The following DCBLD2 variants were observed in gnomAD, a reference collection of about 807,000 sequenced individuals.
DCBLD2 encodes the protein discoidin, CUB and LCCL domain-containing protein 2.
DCBLD2 carries 54 observed loss-of-function variants against 86.8 expected under a neutral mutation model. The ratio of observed to expected loss-of-function variants is 0.62; its 90% CI spans 0.50 to 0.78. The LOEUF (loss-of-function observed/expected upper bound fraction) is 0.78. Ranked by LOEUF, DCBLD2 falls within the 30% of genes least tolerant of loss-of-function variation. The pLI, the probability that DCBLD2 is intolerant of heterozygous loss-of-function variation, is 0.00. For missense variants in DCBLD2, 908 were observed against 954.2 expected (o/e 0.95, Z 0.64); for synonymous variants, 354 against 341.3 (o/e 1.04, Z -0.41).
chr3:98,872,699 G>C (rs1943299926), intron 2 of DCBLD2, among the ~76,000 whole-genome samples: 1 of 151,804 alleles, frequency 6.6e-6, no homozygotes, highest in Non-Finnish European at 1.5e-5. Flanking sequence ...AGGGACCACA[G>C]GCATTTTAAA....
intron 1 of DCBLD2, among the ~76,000 whole-genome samples, chr3:98,899,546 G>A (rs1316036247): frequency 6.6e-6 from 1 of 152,068 alleles, no homozygotes; most frequent in Admixed American, 6.6e-5. Context: ...CACCGCGCCC[G>A]GTAGACTGGC....
intron 3 of DCBLD2, among the ~76,000 whole-genome samples, chr3:98,838,080 T>C (rs1434316057): frequency 1.5e-5 from 2 of 134,402 alleles, no homozygotes; most frequent in East Asian, 2.4e-4. Flanking sequence ...ACGGCACGGC[T>C]GGCCAGGCCG....
chr3:98,857,448 C>A (rs1576184718), intron 2 of DCBLD2, among the ~76,000 whole-genome samples: 1 of 136,872 alleles, frequency 7.3e-6, no homozygotes. Context: ...GCTGATTAGT[C>A]CATTTTACAG....
intron 6 of DCBLD2, among the ~76,000 whole-genome samples, chr3:98,821,413 G>A (rs1942116416): frequency 6.6e-6 from 1 of 152,200 alleles, no homozygotes; most frequent in Non-Finnish European, 1.5e-5. Flanking sequence ...TTATAAAACA[G>A]TAGAACACTA....
intron 1 of DCBLD2, among the ~76,000 whole-genome samples, chr3:98,884,738 G>C (rs1413881608): frequency 1.3e-5 from 2 of 152,102 alleles, no homozygotes; most frequent in African/African-American, 4.8e-5. Context: ...ACGTTCTTTA[G>C]TAAATAGAAA....
intron 4 of DCBLD2, 104 bp from the exon 5 acceptor site, chr3:98,822,845 T>C (rs372323841): frequency 1.1e-6 from 1 of 940,866 alleles, no homozygotes; most frequent in Non-Finnish European, 1.6e-6. Context: ...TCAAGGTGAA[T>C]ACCATAATTT....
chr3:98,897,390 CTTTGA>C (rs1041688295), intron 1 of DCBLD2, among the ~76,000 whole-genome samples: 1 of 152,208 alleles, frequency 6.6e-6, no homozygotes, highest in South Asian at 2.1e-4. Flanking sequence ...GAAAAGGATG[CTTTGA>C]TTTATTTGCT....
At chr3:98,816,974 C>A (rs278388) in intron 9 of DCBLD2, among the ~76,000 whole-genome samples, 1 of 151,936 alleles carries the variant, frequency 6.6e-6, no homozygotes, top group African/African-American at 2.4e-5. Flanking sequence ...GTGGAGATGG[C>A]GTGTTGCCAT....
chr3:98,875,028 CT>C lies in DCBLD2; in HGVS notation c.433+6511del, dbSNP rs1413294001. Among the ~76,000 whole-genome samples the C allele has an allele frequency of 2.0e-5, 3 of 152,318 alleles. No homozygotes were observed. The East Asian group carries it at 5.8e-4, about 29-fold the overall frequency. On this transcript the variant is annotated intron_variant, in intron 2 of 15. Transcript: ENST00000326840. ...CCGGAAAGGATGCTCACTCTCTCCA[CT>C]ACTGTTTAACGTAGTCCTGGACTGG...
rs1457029611 is a variant in DCBLD2, at chr3:98,798,071, G to A, written c.*1301C>T. ...TCTAAAACTAGCTCTGGGCAGGTAT[G>A]AACAAGTGGTGACATGGAAGCTGCC... On this transcript the variant is annotated 3_prime_UTR_variant, in exon 16 of 16. Coordinates refer to ENST00000326840, the MANE Select transcript of DCBLD2 (RefSeq NM_080927.4). 2 of 152,162 alleles carry A rather than the reference G, an allele frequency of 1.3e-5. No homozygotes were observed. Among genetic ancestry groups the A allele is most frequent in the African/African-American group, 4.8e-5 (2 of 41,432 alleles). The allele number at this position is 152,162 out of a possible 1,614,324, so 9.4% of individuals were successfully genotyped here. A position where few individuals can be genotyped will look rare whatever the true frequency, so the allele number is the denominator to read the frequency against.
intron 2 of DCBLD2, among the ~76,000 whole-genome samples, chr3:98,870,797 G>GAAAT (rs1164432842): frequency 1.3e-5 from 2 of 150,966 alleles, no homozygotes; most frequent in African/African-American, 4.9e-5. Flanking sequence ...AAGAAAGAAA[G>GAAAT]AAAGAAAGAA....
chr3:98,810,201 G>T (rs1481863726), intron 12 of DCBLD2, among the ~76,000 whole-genome samples: 1 of 152,220 alleles, frequency 6.6e-6, no homozygotes, highest in Non-Finnish European at 1.5e-5. Context: ...ATCCAGGCAT[G>T]TGGTCTGGGA....
chr3:98,893,902 T>C (rs1030533759), intron 1 of DCBLD2, among the ~76,000 whole-genome samples: 5 of 152,346 alleles, frequency 3.3e-5, no homozygotes, highest in Non-Finnish European at 7.3e-5. Context: ...TGAGATAGTC[T>C]GCTAAGCAGT....
chr3:98,800,538 T>C (rs758040459), intron 15 of DCBLD2, 41 bp downstream of exon 15: 1 of 1,581,064 alleles, frequency 6.3e-7, no homozygotes, highest in Non-Finnish European at 8.6e-7. Context: ...CCTAAGCAGT[T>C]TCTCCCTCTG....
chr3:98,898,253 AAAAG>A (rs1943785079), intron 1 of DCBLD2, among the ~76,000 whole-genome samples: 1 of 151,886 alleles, frequency 6.6e-6, no homozygotes, highest in Non-Finnish European at 1.5e-5. Context: ...GAGCCAAATA[AAAAG>A]AAAGGTCATT....
chr3:98,848,208 GA>G (rs1942762778), intron 3 of DCBLD2, among the ~76,000 whole-genome samples: 2 of 152,034 alleles, frequency 1.3e-5, no homozygotes, highest in South Asian at 4.1e-4. Context: ...ATTTATATGT[GA>G]AAACATGCAG....
chr3:98,863,203 T>C (rs1943078167), intron 2 of DCBLD2, among the ~76,000 whole-genome samples: 1 of 152,110 alleles, frequency 6.6e-6, no homozygotes, highest in South Asian at 2.1e-4. Flanking sequence ...TACAAACCAC[T>C]GCTCAACAAA....
intron 3 of DCBLD2, among the ~76,000 whole-genome samples, chr3:98,836,052 C>CTGTGTGTG (rs540771780): frequency 2.6e-5 from 3 of 116,988 alleles, no homozygotes; most frequent in African/African-American, 1.0e-4. Flanking sequence ...ATCAGTCCTC[C>CTGTGTGTG]TGTGTGTGTG....
At chr3:98,897,978 G>A (rs766783968) in intron 1 of DCBLD2, among the ~76,000 whole-genome samples, 3 of 151,974 alleles carry the variant, frequency 2.0e-5, no homozygotes, top group Non-Finnish European at 4.4e-5. Context: ...TAGCAAATAT[G>A]CTACCAGCAT....
Sources: allele counts gnomAD v4.1 joint callset (sites outside exome capture counted in the v4.1 genomes callset), GRCh38; gene constraint gnomAD v4.1.1; transcripts MANE v1.5; gene names NCBI Gene and HGNC (gene_info 2026-07-23, HGNC 2026-07-21).